COG7: variants seen among roughly 807,000 people sequenced by gnomAD.
The protein encoded by COG7 is component of oligomeric golgi complex 7.
In COG7, 49 loss-of-function variants were observed where a neutral mutation model predicts 91.5. The observed-to-expected ratio is 0.54, with a 90% CI of 0.43 to 0.68. The LOEUF is 0.68. Among genes scored for constraint, COG7 ranks in the 30% least tolerant of loss-of-function variants. COG7 has a pLI of 0.00. For missense variants in COG7, 895 were observed against 961.3 expected, an observed-to-expected ratio of 0.93 and a Z score of 0.91; for synonymous variants, 365 against 388.7, an observed-to-expected ratio of 0.94 and a Z score of 0.72.
chr16:23,440,610 A>G (rs923269738), intron 4 of COG7, among the ~76,000 whole-genome samples: 4 of 151,746 alleles, frequency 2.6e-5, no homozygotes, highest in African/African-American at 9.7e-5. Flanking sequence ...AGCGTGCGCT[A>G]CCATGCCTAG....
chr16:23,427,056 C>A (rs761768154), intron 6 of COG7, among the ~76,000 whole-genome samples: 1 of 152,018 alleles, frequency 6.6e-6, no homozygotes, highest in African/African-American at 2.4e-5. Context: ...TGAGACCAGC[C>A]TGGGCAACAA....
At chr16:23,437,090 C>G (rs944250974) in intron 4 of COG7, among the ~76,000 whole-genome samples, 4 of 152,146 alleles carry the variant, frequency 2.6e-5, no homozygotes, top group Non-Finnish European at 5.9e-5. Context: ...TGCGGCCCAG[C>G]AGAGGAGGCA....
At chr16:23,410,244 G>A (rs757090032) in intron 11 of COG7, 51 bp downstream of exon 11, 10 of 1,491,534 alleles carry the variant, frequency 6.7e-6, no homozygotes, top group South Asian at 2.3e-5. Flanking sequence ...GACCAAGCTC[G>A]TGCTGATCAG....
Position 23,418,750 on chromosome 16 carries a change from C to T in COG7, c.1087G>A (p.Gly363Ser). Residue 363 changes from glycine (G) to serine (S), a missense_variant, in exon 8 of 17, where the codon GGC (glycine) becomes AGC (serine). Transcript: ENST00000307149. ...AGGAGGTTGCTCTCTTCCATGTCGC[C>T]ATACTTCAGCTGGTAGGGTTTGTAT... ...DPYKPYQLKYGDMEESNLLIQ... is the reference protein window; with the variant it reads ...DPYKPYQLKYSDMEESNLLIQ... The T allele has an allele frequency of 6.2e-7, 1 of 1,613,912 alleles. No individual in the cohort carries two copies. Among genetic ancestry groups the T allele is most frequent in the Non-Finnish European group, 8.5e-7 (1 of 1,179,852 alleles).
At chr16:23,401,453 AC>A (rs1161399297) in intron 13 of COG7, among the ~76,000 whole-genome samples, 1 of 152,178 alleles carries the variant, frequency 6.6e-6, no homozygotes, top group Non-Finnish European at 1.5e-5. Flanking sequence ...CGGGGGAAGC[AC>A]CACCCCTGTT....
chr16:23,408,710 A>G (rs1389029856), intron 11 of COG7, among the ~76,000 whole-genome samples: 1 of 152,048 alleles, frequency 6.6e-6, no homozygotes, highest in Non-Finnish European at 1.5e-5. Context: ...GAATAAAACC[A>G]AAGTGCCACA....
At chr16:23,449,349 C>T (rs1964228523) in intron 1 of COG7, among the ~76,000 whole-genome samples, 2 of 145,436 alleles carry the variant, frequency 1.4e-5, no homozygotes, top group African/African-American at 5.2e-5. Flanking sequence ...GGCGACAGAG[C>T]GAGACTCCAT....
chr16:23,431,987 A>T (rs781080048), intron 6 of COG7, among the ~76,000 whole-genome samples: 64 of 151,708 alleles, frequency 4.2e-4, no homozygotes, highest in Middle Eastern at 3.2e-3. Flanking sequence ...TACAAAAAAA[A>T]TTTTTTTTAA....
rs961952259 is a variant in COG7, at chr16:23,442,464, A to C, written c.604+13T>G. Reference sequence around the variant, plus strand: ...AGAGATATACACAGAGATGAGAAGCAGCTAGCACTCACCTACAGCCTGAGA... The same window carrying C: ...AGAGATATACACAGAGATGAGAAGCCGCTAGCACTCACCTACAGCCTGAGA... On this transcript the variant is annotated intron_variant, in intron 4 of 16. Transcript: ENST00000307149. The C allele has an allele frequency of 6.2e-7, 1 of 1,613,334 alleles. No homozygotes were observed. Among genetic ancestry groups the C allele is most frequent in the Non-Finnish European group, 8.5e-7 (1 of 1,179,664 alleles).
At chr16:23,390,523 C>A (rs2142056996) in intron 16 of COG7, among the ~76,000 whole-genome samples, 1 of 151,882 alleles carries the variant, frequency 6.6e-6, no homozygotes, top group Admixed American at 6.6e-5. Flanking sequence ...CGGCTACTTT[C>A]TGATCTTGGG....
chr16:23,392,016 C>T (rs570084636), intron 16 of COG7: 21 of 1,197,958 alleles, frequency 1.8e-5, no homozygotes, highest in Non-Finnish European at 2.0e-5. Context: ...CTTGGTCCAG[C>T]GCCAGGCATG....
At chr16:23,418,477 C>T (rs1156527005) in intron 8 of COG7, among the ~76,000 whole-genome samples, 1 of 152,202 alleles carries the variant, frequency 6.6e-6, no homozygotes, top group East Asian at 1.9e-4. Context: ...CCACTACACT[C>T]CAGCCTGGGC....
intron 7 of COG7, among the ~76,000 whole-genome samples, chr16:23,419,362 G>C (rs1469970866): frequency 6.8e-6 from 1 of 147,362 alleles, no homozygotes; most frequent in African/African-American, 2.5e-5. Flanking sequence ...GGTGAGCTGA[G>C]ATCACACCAT....
rs138636705 is a variant in COG7, at chr16:23,417,117, T to G, written c.1142A>C (p.His381Pro). The G allele has an allele frequency of 2.5e-6, 4 of 1,614,226 alleles. No individual in the cohort carries two copies. The highest frequency in any genetic ancestry group is 3.4e-6 in the Non-Finnish European group (4 of 1,180,032). ...LIQMSAVPLEHGEVIDCVQEL... is the reference protein window; with the variant it reads ...LIQMSAVPLEPGEVIDCVQEL... Reference sequence around the variant, plus strand: ...CTGCACACAGTCAATCACTTCCCCATGCTCCTGGTCAGCAAATACAGACAA... The same window carrying G: ...CTGCACACAGTCAATCACTTCCCCAGGCTCCTGGTCAGCAAATACAGACAA... Residue 381 changes from histidine to proline, a missense_variant, in exon 9 of 17, where the codon CAT becomes CCT. Transcript: ENST00000307149.
At chr16:23,423,099 A>T (rs1963786345) in intron 7 of COG7, among the ~76,000 whole-genome samples, 1 of 150,612 alleles carries the variant, frequency 6.6e-6, no homozygotes, top group South Asian at 2.1e-4. Context: ...ATGGTGGCTC[A>T]CACCTGCTGT....
intron 7 of COG7, among the ~76,000 whole-genome samples, chr16:23,423,044 CAAAAAAA>C (rs34598282): frequency 3.1e-5 from 2 of 63,630 alleles, no homozygotes; most frequent in African/African-American, 1.3e-4. Flanking sequence ...GTCTCTGTCT[CAAAAAAA>C]AAAAAAAAAA....
intron 8 of COG7, 125 bp from the exon 9 acceptor site, chr16:23,417,246 C>T: frequency 4.0e-6 from 4 of 1,003,100 alleles, no homozygotes; most frequent in Non-Finnish European, 6.1e-6. Flanking sequence ...AAATATAGTC[C>T]CAACGTTTGA....
chr16:23,404,422 CAG>C (rs1439554593), intron 12 of COG7, among the ~76,000 whole-genome samples: 8 of 152,190 alleles, frequency 5.3e-5, no homozygotes, highest in Non-Finnish European at 1.2e-4. Context: ...TAAAGATAAA[CAG>C]AGTTGCTTTA....
At chr16:23,432,458 TC>T (rs1161026660) in intron 6 of COG7, among the ~76,000 whole-genome samples, 1 of 151,936 alleles carries the variant, frequency 6.6e-6, no homozygotes, top group Non-Finnish European at 1.5e-5. Flanking sequence ...TAGCTCTCTA[TC>T]TGAGTGCTAT....
Sources: gnomAD v4.1 joint callset for allele counts (sites outside exome capture counted in the v4.1 genomes callset) on GRCh38, gnomAD v4.1.1 for gene constraint, MANE v1.5 for transcripts, NCBI Gene and HGNC (gene_info 2026-07-23, HGNC 2026-07-21) for gene names.